CSMD1: variants seen among roughly 807,000 people sequenced by gnomAD.
CSMD1 encodes CUB and Sushi multiple domains 1, also known as CUB and sushi domain-containing protein 1.
Under a neutral mutation model 417.5 loss-of-function variants are expected in CSMD1, and 213 were observed. The ratio of observed to expected loss-of-function variants is 0.51; its 90% CI spans 0.46 to 0.57. CSMD1 has a LOEUF of 0.57. Among genes scored for constraint, CSMD1 ranks in the 20% least tolerant of loss-of-function variants. CSMD1 has a pLI of 0.00. For synonymous variants in CSMD1, 2,862 were observed against 1,736.8 expected (o/e 1.65, Z -16.11); for missense variants, 6,923 against 4,529.7 (o/e 1.53, Z -15.17).
At chr8:4,055,745 G>C (rs866358865) in intron 3 of CSMD1, among the ~76,000 whole-genome samples, 21 of 152,098 alleles carry the variant, frequency 1.4e-4, no homozygotes, top group South Asian at 4.1e-4. Flanking sequence ...ATCCACAACA[G>C]AATGACTTGA....
rs570755424 is a variant in CSMD1, at chr8:4,606,536, G to T, written c.302+30806C>A. On this transcript the variant is annotated intron_variant, in intron 2 of 69. Coordinates refer to ENST00000635120, the MANE Select transcript of CSMD1 (RefSeq NM_033225.6). ...CTGAAGACAACAGCGGCCAATGGCA[G>T]CAGGGCTGTCAGCTGCTGAAACACA... Among the ~76,000 whole-genome samples the T allele has an allele frequency of 2.0e-5, 3 of 152,254 alleles. No homozygotes were observed. The East Asian group carries it at 5.8e-4, about 29-fold the overall frequency.
chr8:3,451,847 G>T (rs1054443020), intron 12 of CSMD1, among the ~76,000 whole-genome samples: 19 of 152,178 alleles, frequency 1.2e-4, no homozygotes, highest in African/African-American at 4.1e-4. Context: ...TTCCAATTAC[G>T]TGAAGAAAGT....
At chr8:3,298,060 G>A (rs1036251296) in intron 25 of CSMD1, among the ~76,000 whole-genome samples, 2 of 152,096 alleles carry the variant, frequency 1.3e-5, no homozygotes, top group Non-Finnish European at 2.9e-5. Flanking sequence ...CAGTAGAATG[G>A]CTAAAATGAA....
At chr8:4,545,167 A>G (rs575994026) in intron 2 of CSMD1, among the ~76,000 whole-genome samples, 24 of 152,322 alleles carry the variant, frequency 1.6e-4, no homozygotes, top group African/African-American at 5.5e-4. Flanking sequence ...TAAAAATCAT[A>G]TTTGTGAGAA....
chr8:3,356,069 G>C (rs955212330), intron 21 of CSMD1, among the ~76,000 whole-genome samples: 4 of 152,178 alleles, frequency 2.6e-5, no homozygotes, highest in African/African-American at 9.7e-5. Flanking sequence ...TCTCAGCTCA[G>C]ATGCTCACTA....
At chr8:3,858,087 C>A (rs187771567) in intron 5 of CSMD1, among the ~76,000 whole-genome samples, 2 of 152,168 alleles carry the variant, frequency 1.3e-5, no homozygotes, top group African/African-American at 4.8e-5. Context: ...TTGTGACTGT[C>A]CAATTGAATT....
chr8:3,842,101 T>C (rs1040575929), intron 5 of CSMD1, among the ~76,000 whole-genome samples: 1 of 152,212 alleles, frequency 6.6e-6, no homozygotes, highest in Non-Finnish European at 1.5e-5. Flanking sequence ...AAAACACACA[T>C]GCCTTCATTC....
intron 1 of CSMD1, among the ~76,000 whole-genome samples, chr8:4,973,183 A>T (rs1161124928): frequency 6.6e-6 from 1 of 152,140 alleles, no homozygotes. Context: ...ACACTTTATT[A>T]CTTTTTAGTG....
At position 2,936,642 on chromosome 8, in the gene CSMD1, G is replaced by A. The variant is rs11985532; in HGVS notation, c.*1943C>T. ...GCATAATGATACAGAATCCAACAGCGTGGGGTTCACAAGACAAAGGAGTCC... is the reference window on the plus strand; with the variant it reads ...GCATAATGATACAGAATCCAACAGCATGGGGTTCACAAGACAAAGGAGTCC... On this transcript the variant is annotated 3_prime_UTR_variant, in exon 70 of 70. Transcript: ENST00000635120. 9,594 of 152,240 alleles carry A rather than the reference G, an allele frequency of 0.063. 678 individuals carry two copies. The highest frequency in any genetic ancestry group is 0.17 in the African/African-American group (6,894 of 41,498). The allele number at this position is 152,240 out of a possible 1,614,324, so 9.4% of individuals were successfully genotyped here. A position where few individuals can be genotyped will look rare whatever the true frequency, so the allele number is the denominator to read the frequency against.
At chr8:4,529,056 G>A (rs144276493) in intron 2 of CSMD1, among the ~76,000 whole-genome samples, 13 of 152,188 alleles carry the variant, frequency 8.5e-5, no homozygotes, top group African/African-American at 3.1e-4. Flanking sequence ...TTTAAAAAAT[G>A]ATGATCTGAA....
intron 1 of CSMD1, among the ~76,000 whole-genome samples, chr8:4,688,357 C>T (rs1342932490): frequency 2.0e-5 from 3 of 152,106 alleles, no homozygotes; most frequent in Non-Finnish European, 4.4e-5. Flanking sequence ...GCTGTAAGTG[C>T]CCAAAATAAT....
intron 5 of CSMD1, among the ~76,000 whole-genome samples, chr8:3,985,323 A>T (rs1331845948): frequency 6.6e-6 from 1 of 152,202 alleles, no homozygotes; most frequent in Non-Finnish European, 1.5e-5. Flanking sequence ...GCAGGCATAT[A>T]TGTTTTCGTT....
At position 3,756,012 on chromosome 8, in the gene CSMD1, A is replaced by C. The variant is rs146388125; in HGVS notation, c.819-1970T>G. ...AATGTCTAAAAAACTAGATTCAAAA[A>C]CCCCCAGTCTGTGCCACTCACCTGT... On this transcript the variant is annotated intron_variant, in intron 5 of 69. Coordinates refer to ENST00000635120, the MANE Select transcript of CSMD1 (RefSeq NM_033225.6). Among the ~76,000 whole-genome samples the C allele has an allele frequency of 8.2e-3, 1,249 of 152,004 alleles. 33 individuals are homozygous for C. Among genetic ancestry groups the C allele is most frequent in the African/African-American group, 0.029 (1,218 of 41,444 alleles).
rs142474048 is a variant in CSMD1 at position 4,281,925 on chromosome 8, T to C, written c.415+138028A>G. ...AAGGTTAAGTGACGTTTTGATGACA[T>C]AGATGCTGGTGAATGTGCCTGTTAG... On this transcript the variant is annotated intron_variant, in intron 3 of 69. Coordinates refer to ENST00000635120, the MANE Select transcript of CSMD1 (RefSeq NM_033225.6). Among the ~76,000 whole-genome samples, 312 of 152,320 alleles carry C rather than the reference T, an allele frequency of 2.0e-3. 2 individuals carry two copies. The highest frequency in any genetic ancestry group is 6.9e-3 in the African/African-American group (289 of 41,590).
At chr8:3,721,175 T>G (rs546743534) in intron 6 of CSMD1, among the ~76,000 whole-genome samples, 1 of 152,152 alleles carries the variant, frequency 6.6e-6, no homozygotes, top group Non-Finnish European at 1.5e-5. Context: ...ACACCATTTT[T>G]TTTTCTCCAG....
intron 5 of CSMD1, among the ~76,000 whole-genome samples, chr8:3,909,610 T>G (rs1465705579): frequency 6.6e-6 from 1 of 152,094 alleles, no homozygotes; most frequent in Non-Finnish European, 1.5e-5. Context: ...AGGCCCTCTG[T>G]TAGGCTCAGG....
chr8:4,456,136 G>C (rs1799467043), intron 2 of CSMD1, among the ~76,000 whole-genome samples: 1 of 150,714 alleles, frequency 6.6e-6, no homozygotes, highest in Admixed American at 6.6e-5. Context: ...GCCAAATGCT[G>C]AGAGGGTTAA....
At chr8:3,438,582 T>C (rs1053118194) in intron 12 of CSMD1, among the ~76,000 whole-genome samples, 1 of 152,208 alleles carries the variant, frequency 6.6e-6, no homozygotes, top group Non-Finnish European at 1.5e-5. Context: ...CAATAGTTTA[T>C]TCCTTTTTAT....
intron 3 of CSMD1, among the ~76,000 whole-genome samples, chr8:4,092,059 T>C (rs943169437): frequency 1.3e-5 from 2 of 152,182 alleles, no homozygotes; most frequent in African/African-American, 4.8e-5. Flanking sequence ...TTTTATTTCA[T>C]TGCTAGCACT....
Sources: gnomAD v4.1 joint callset for allele counts (sites outside exome capture counted in the v4.1 genomes callset) on GRCh38, gnomAD v4.1.1 for gene constraint, MANE v1.5 for transcripts, NCBI Gene and HGNC (gene_info 2026-07-23, HGNC 2026-07-21) for gene names.